Variants in ADSS1 observed in about 807,000 individuals in gnomAD.
ADSS1 encodes adenylosuccinate synthetase isozyme 1.
ADSS1 carries 57 observed loss-of-function variants against 59.1 expected under a neutral mutation model. That is an observed-to-expected ratio of 0.97 (90% CI 0.78 to 1.20). The LOEUF (loss-of-function observed/expected upper bound fraction) is 1.20, where lower values mean the gene tolerates loss of function less well. Among genes scored for constraint, ADSS1 ranks in the 50% most tolerant of loss-of-function variants. ADSS1 has a pLI of 0.00. For missense variants in ADSS1, 603 were observed against 610.3 expected, an observed-to-expected ratio of 0.99 and a Z score of 0.13; for synonymous variants, 247 against 249.4, an observed-to-expected ratio of 0.99 and a Z score of 0.09.
intron 1 of ADSS1, among the ~76,000 whole-genome samples, chr14:104,725,180 G>A (rs1448520638): frequency 2.0e-5 from 3 of 152,136 alleles, no homozygotes; most frequent in Non-Finnish European, 2.9e-5. Flanking sequence ...CCAGGGCTGG[G>A]CCTCTGCCAG....
chr14:104,737,391 CT>C (rs1891174012), intron 2 of ADSS1: 1 of 152,220 alleles, frequency 6.6e-6, no homozygotes, highest in Non-Finnish European at 1.5e-5. Context: ...TAACTTTCCT[CT>C]ATGTCTTTTC....
chr14:104,743,348 T>C, intron 10 of ADSS1, 157 bp downstream of exon 10: 1 of 1,132,418 alleles, frequency 8.8e-7, no homozygotes, highest in Non-Finnish European at 1.2e-6. Context: ...GCCCAGAGGT[T>C]AGCGGTATGG....
rs543073220 is a variant in ADSS1, at chr14:104,736,337, C to T, written c.295+1215C>T. On this transcript the variant is annotated intron_variant, in intron 2 of 12. Transcript: ENST00000330877. ...GGTTGTGCTGCAGGAAGCCCTTCTC[C>T]AGCCGCCAGCCTCGTCCTGCCCAGC... 1.4e-4 allele frequency among the ~76,000 whole-genome samples: 21 copies of T among 152,378 alleles called. No homozygotes were observed. The South Asian group carries it at 4.3e-3, about 32-fold the overall frequency.
chr14:104,733,410 C>A (rs1187369999), intron 1 of ADSS1, among the ~76,000 whole-genome samples: 1 of 152,228 alleles, frequency 6.6e-6, no homozygotes. Flanking sequence ...TGCCTGGCAT[C>A]TCTGGATCTG....
intron 2 of ADSS1, 119 bp downstream of exon 2, chr14:104,735,241 T>C: frequency 1.1e-6 from 1 of 940,388 alleles, no homozygotes; most frequent in Non-Finnish European, 1.6e-6. Context: ...AGCAGTAGGC[T>C]GGACCCCAGC....
chr14:104,743,983 A>C (rs993794498), intron 10 of ADSS1, among the ~76,000 whole-genome samples: 8 of 150,632 alleles, frequency 5.3e-5, no homozygotes, highest in Non-Finnish European at 1.0e-4. Flanking sequence ...GCGCCCCTTC[A>C]GGCTTTGCCC....
chr14:104,730,028 T>G (rs33958252), intron 1 of ADSS1: 6 of 1,585,212 alleles, frequency 3.8e-6, no homozygotes, highest in Non-Finnish European at 4.3e-6. Flanking sequence ...GAGTCTCCAG[T>G]TACTGAGTGG....
At chr14:104,741,411 T>C (rs1891351000) in intron 8 of ADSS1, among the ~76,000 whole-genome samples, 168 bp downstream of exon 8, 1 of 152,098 alleles carries the variant, frequency 6.6e-6, no homozygotes. Flanking sequence ...AGTGTTCCTA[T>C]TGTCAGCAAG....
intron 12 of ADSS1, 175 bp from the exon 13 acceptor site, chr14:104,746,776 T>TCAGTCCCCCAACATGCA: frequency 1.5e-6 from 1 of 652,660 alleles, no homozygotes; most frequent in Non-Finnish European, 2.6e-6. Context: ...TGCGGGAGGA[T>TCAGTCCCCCAACATGCA]CAGTCCCCCA....
At chr14:104,725,732 G>A (rs1176933869) in intron 1 of ADSS1, among the ~76,000 whole-genome samples, 2 of 152,184 alleles carry the variant, frequency 1.3e-5, no homozygotes, top group Admixed American at 1.3e-4. Context: ...CAGGGGGCAT[G>A]TCCAGCGCTC....
chr14:104,725,414 G>A (rs1003054466), intron 1 of ADSS1, among the ~76,000 whole-genome samples: 24 of 152,160 alleles, frequency 1.6e-4, no homozygotes, highest in African/African-American at 2.2e-4. Flanking sequence ...AAGGGCCCCC[G>A]CACCGTCCCT....
At chr14:104,742,295 G>A (rs752825221) in intron 9 of ADSS1, among the ~76,000 whole-genome samples, 5 of 152,252 alleles carry the variant, frequency 3.3e-5, no homozygotes, top group African/African-American at 4.8e-5. Flanking sequence ...AGGCAAGTGC[G>A]GACGCCTTGC....
At chr14:104,744,529 G>A (rs1891485371) in intron 10 of ADSS1, 1 of 336,808 alleles carries the variant, frequency 3.0e-6, no homozygotes, top group African/African-American at 2.1e-5. Flanking sequence ...CTCACAAGGA[G>A]CATGTGGCCT....
intron 1 of ADSS1, among the ~76,000 whole-genome samples, chr14:104,724,939 G>T (rs1168671789): frequency 6.6e-6 from 1 of 152,216 alleles, no homozygotes; most frequent in African/African-American, 2.4e-5. Flanking sequence ...GTGGTGGAGG[G>T]GGTAAAAGCT....
intron 10 of ADSS1, chr14:104,743,457 G>A (rs1331062246): frequency 4.6e-6 from 2 of 434,660 alleles, no homozygotes; most frequent in Non-Finnish European, 8.6e-6. Flanking sequence ...ACTTGTGAGA[G>A]GTTAAAATGC....
At chr14:104,731,478 G>A (rs993737324) in intron 1 of ADSS1, among the ~76,000 whole-genome samples, 1 of 152,168 alleles carries the variant, frequency 6.6e-6, no homozygotes, top group African/African-American at 2.4e-5. Context: ...CCACCTGTAG[G>A]GGCAGCAGTG....
intron 1 of ADSS1, among the ~76,000 whole-genome samples, chr14:104,724,878 G>A (rs1049678849): frequency 2.6e-5 from 4 of 152,180 alleles, no homozygotes; most frequent in Admixed American, 2.6e-4. Context: ...ATCACCTGGG[G>A]CCTGTCTGGG....
Position 104,739,823 on chromosome 14 carries a change from C to A in ADSS1, c.476+7C>A. On this transcript the variant is annotated splice_region_variant and intron_variant, in intron 5 of 12. Coordinates refer to ENST00000330877, the MANE Select transcript of ADSS1 (RefSeq NM_152328.5). ...AGGCACAAGAGGGGAAGAAGTAAGTCTGCCGGGACACTCTCACCCTCGGGG... is the reference window on the plus strand; with the variant it reads ...AGGCACAAGAGGGGAAGAAGTAAGTATGCCGGGACACTCTCACCCTCGGGG... 1.9e-6 allele frequency: 3 copies of A among 1,613,768 alleles called. No homozygotes were observed. The highest frequency in any genetic ancestry group is 1.7e-6 in the Non-Finnish European group (2 of 1,179,980).
At chr14:104,738,032 C>T (rs1891191706) in intron 2 of ADSS1, 1 of 241,068 alleles carries the variant, frequency 4.1e-6, no homozygotes, top group Non-Finnish European at 8.3e-6. Context: ...GACGGAGTCT[C>T]GCTCTGTCAC....
Sources: allele counts gnomAD v4.1 joint callset (sites outside exome capture counted in the v4.1 genomes callset), GRCh38; gene constraint gnomAD v4.1.1; transcripts MANE v1.5; gene names NCBI Gene and HGNC (gene_info 2026-07-23, HGNC 2026-07-21).